Variants in EDNRB observed in about 807,000 individuals in gnomAD.
EDNRB encodes Hirschsprung disease 2.
Under a neutral mutation model 46.4 loss-of-function variants are expected in EDNRB, and 18 were observed. The ratio of observed to expected loss-of-function variants is 0.39; its 90% CI spans 0.27 to 0.57. The LOEUF (loss-of-function observed/expected upper bound fraction) is 0.57, where lower values mean the gene tolerates loss of function less well. Ranked by LOEUF, EDNRB falls within the 20% of genes least tolerant of loss-of-function variation. The probability of loss-of-function intolerance (pLI) is 0.61; values close to 1 mark genes in which losing one functional copy is unlikely to be tolerated. For synonymous variants in EDNRB, 213 were observed against 204.9 expected, an observed-to-expected ratio of 1.04 and a Z score of -0.34; for missense variants, 434 against 537.5, an observed-to-expected ratio of 0.81 and a Z score of 1.90.
rs762880632 is a variant in EDNRB at position 77,918,153 on chromosome 13, C to A, written c.421G>T (p.Ala141Ser). 11 of 1,614,010 alleles carry A rather than the reference C, an allele frequency of 6.8e-6. No individual in the cohort carries two copies. The highest frequency in any genetic ancestry group is 9.3e-6 in the Non-Finnish European group (11 of 1,180,042). Residue 141 changes from alanine to serine, a missense_variant, in exon 1 of 7, where the codon GCC (alanine) becomes TCC (serine). By Grantham distance (99) the Ala-to-Ser change is moderately conservative. Coordinates refer to ENST00000646607, the MANE Select transcript of EDNRB (RefSeq NM_001122659.3). This position sits in a 1 kb window ranked among gnomAD's most constrained non-coding sequence, Gnocchi z 4.5. ...CMRNGPNILI[A>S]SLALGDLLHI... is the part of the protein sequence containing the mutation. ...AGCAGGTCTCCCAGAGCCAAGCTGGCGATCAAGATATTGGGACCGTTTCGC... is the reference window on the plus strand; with the variant it reads ...AGCAGGTCTCCCAGAGCCAAGCTGGAGATCAAGATATTGGGACCGTTTCGC...
At chr13:77,937,890 A>G (rs1195693697) in intron 1 of EDNRB, among the ~76,000 whole-genome samples, 1 of 152,104 alleles carries the variant, frequency 6.6e-6, no homozygotes, top group African/African-American at 2.4e-5. Flanking sequence ...GGGAACAGAG[A>G]CTAGGGAGGG....
In EDNRB at chr13:77,896,054, T is replaced by C. The variant is rs1878606492; in HGVS notation, c.*2146A>G. 6.5e-6 allele frequency: 1 copy of C among 153,524 alleles called. No homozygotes were observed. Among genetic ancestry groups the C allele is most frequent in the African/African-American group, 2.4e-5 (1 of 41,460 alleles). The allele number at this position is 153,524 out of a possible 1,614,324, so 9.5% of individuals were successfully genotyped here. Reference sequence around the variant, plus strand: ...TTTTGAGTATGTAAAGAAATTATAATTGTTTCTTACTTATCAGTATGTTAA... The same window carrying C: ...TTTTGAGTATGTAAAGAAATTATAACTGTTTCTTACTTATCAGTATGTTAA... On this transcript the variant is annotated 3_prime_UTR_variant, in exon 7 of 7. Transcript: ENST00000646607.
intron 1 of EDNRB, among the ~76,000 whole-genome samples, chr13:77,962,630 A>G (rs943866568): frequency 6.6e-6 from 1 of 152,208 alleles, no homozygotes; most frequent in Non-Finnish European, 1.5e-5. Context: ...TCAAAATCAT[A>G]AGAGCTATTT....
At chr13:77,927,969 C>T (rs1262521649) in intron 1 of EDNRB, among the ~76,000 whole-genome samples, 1 of 152,194 alleles carries the variant, frequency 6.6e-6, no homozygotes, top group Non-Finnish European at 1.5e-5. Flanking sequence ...TTCACCTACA[C>T]AAGCTCTCTT....
At chr13:77,949,424 T>C (rs937029536) in intron 1 of EDNRB, among the ~76,000 whole-genome samples, 7 of 152,182 alleles carry the variant, frequency 4.6e-5, no homozygotes, top group African/African-American at 1.7e-4. Context: ...AGTTTGAGAC[T>C]TGTCCACCTT....
chr13:77,964,599 A>C (rs1881525495), intron 1 of EDNRB, among the ~76,000 whole-genome samples: 1 of 152,196 alleles, frequency 6.6e-6, no homozygotes, highest in South Asian at 2.1e-4. Flanking sequence ...GGACACAGGA[A>C]GGGGAACATC....
chr13:77,968,177 T>A (rs951621090), intron 1 of EDNRB, among the ~76,000 whole-genome samples: 14 of 152,030 alleles, frequency 9.2e-5, no homozygotes, highest in Admixed American at 8.5e-4. Flanking sequence ...CATTTTTTTT[T>A]AATGTGAAGA....
rs146752339 is a variant in EDNRB, at chr13:77,941,070, C to T, written c.-51-22446G>A. ...CCTAGGTGTGATATCTGGTTGAAAC[C>T]TGGAAATGTGAGCCTGAAGCTCATA... On this transcript the variant is annotated intron_variant, in intron 1 of 7. Transcript: ENST00000646948. Among the ~76,000 whole-genome samples, 580 of 152,218 alleles carry T rather than the reference C, an allele frequency of 3.8e-3. 4 individuals are homozygous for T. Among genetic ancestry groups the T allele is most frequent in the African/African-American group, 0.013 (533 of 41,518 alleles).
rs1878593497 is a variant in EDNRB at position 77,895,799 on chromosome 13, C to T, written c.*2401G>A. 1 of 151,962 alleles carries T rather than the reference C, an allele frequency of 6.6e-6. No individual in the cohort carries two copies. Among genetic ancestry groups the T allele is most frequent in the South Asian group, 2.1e-4 (1 of 4,822 alleles). 9.4% of individuals were successfully genotyped at this position (151,962 alleles called of 1,614,324 possible). The stretch of plus-strand genomic sequence containing the variant: ...TTAGCTACAGCATACCCATGTTTTG[C>T]TATAAACTGTATTCCTTTGGCCATA... On this transcript the variant is annotated 3_prime_UTR_variant, in exon 7 of 7. Coordinates refer to ENST00000646607, the MANE Select transcript of EDNRB (RefSeq NM_001122659.3).
intron 1 of EDNRB, among the ~76,000 whole-genome samples, chr13:77,964,170 G>T (rs561122105): frequency 1.2e-4 from 18 of 152,326 alleles, no homozygotes; most frequent in Non-Finnish European, 2.1e-4. Flanking sequence ...TACATTGTTG[G>T]TGGGGCTGTA....
chr13:77,937,391 A>G (rs926968346), intron 1 of EDNRB, among the ~76,000 whole-genome samples: 7 of 152,284 alleles, frequency 4.6e-5, no homozygotes, highest in Non-Finnish European at 1.5e-5. Context: ...GGGCTAGAGA[A>G]AAAACTCTTT....
At chr13:77,900,043 T>C (rs972147967) in intron 5 of EDNRB, 76 bp from the exon 6 acceptor site, 21 of 1,294,880 alleles carry the variant, frequency 1.6e-5, no homozygotes, top group Admixed American at 3.6e-5. Flanking sequence ...TTCTGTGCTT[T>C]TGTAAGGAAA....
chr13:77,961,325 C>G (rs1056087262), intron 1 of EDNRB, among the ~76,000 whole-genome samples: 2 of 152,104 alleles, frequency 1.3e-5, no homozygotes, highest in African/African-American at 4.8e-5. Flanking sequence ...GAACTCTCCA[C>G]CCCAAATCAA....
intron 1 of EDNRB, among the ~76,000 whole-genome samples, 177 bp from the exon 2 acceptor site, chr13:77,903,784 AGT>A (rs1879129751): frequency 6.6e-6 from 1 of 151,958 alleles, no homozygotes; most frequent in South Asian, 2.1e-4. Context: ...GGGACAGGAA[AGT>A]GTGTTGGGAT....
At chr13:77,974,128 A>G (rs1268994150) in intron 1 of EDNRB, among the ~76,000 whole-genome samples, 5 of 152,082 alleles carry the variant, frequency 3.3e-5, no homozygotes, top group Non-Finnish European at 5.9e-5. Flanking sequence ...GCTATTAATA[A>G]GACCTTGTTT....
chr13:77,959,396 T>C (rs1045562532), intron 1 of EDNRB, among the ~76,000 whole-genome samples: 2 of 152,198 alleles, frequency 1.3e-5, no homozygotes, highest in Non-Finnish European at 2.9e-5. Flanking sequence ...TATTCGCTGT[T>C]CTGCAGCCAC....
chr13:77,969,809 G>T (rs1881678975), intron 1 of EDNRB, among the ~76,000 whole-genome samples: 1 of 152,142 alleles, frequency 6.6e-6, no homozygotes, highest in East Asian at 1.9e-4. Context: ...TGTGTTACTA[G>T]AAATTAGGAT....
chr13:77,949,131 T>G (rs1208688885), intron 1 of EDNRB, among the ~76,000 whole-genome samples: 1 of 152,142 alleles, frequency 6.6e-6, no homozygotes, highest in Non-Finnish European at 1.5e-5. Flanking sequence ...CAATATACAG[T>G]CTATGATATT....
rs199832682 is a variant in EDNRB at position 77,897,205 on chromosome 13, A to G, written c.*995T>C. The G allele has an allele frequency of 2.0e-6, 2 of 985,398 alleles. No homozygotes were observed. The highest frequency in any genetic ancestry group is 1.1e-4 in the East Asian group (1 of 8,772). The allele number at this position is 985,398 out of a possible 1,614,324, so 61.0% of individuals were successfully genotyped here. On this transcript the variant is annotated 3_prime_UTR_variant, in exon 7 of 7. Transcript: ENST00000646607. ...ACTGGCATCTCTCCATCGTAAAGCT[A>G]TGAGCACAGGGCCTGCCCTCATTTA...
Sources: gnomAD v4.1 joint callset for allele counts (sites outside exome capture counted in the v4.1 genomes callset) on GRCh38, gnomAD v4.1.1 for gene constraint, Gnocchi (gnomAD v3.1) non-coding constraint, MANE v1.5 for transcripts, NCBI Gene and HGNC (gene_info 2026-07-23, HGNC 2026-07-21) for gene names.